AFG2A: variants seen among roughly 807,000 people sequenced by gnomAD.
AFG2A encodes the protein ATPase family gene 2 protein homolog A.
the AFG2A span, among the ~76,000 whole-genome samples, chr4:122,944,148 C>T: frequency 2.1e-3 from 317 of 152,204 alleles, no homozygotes; most frequent in African/African-American, 5.9e-3. Flanking sequence ...ATCTTTGTGG[C>T]GTTCTCTGTA....
At chr4:123,005,892 A>C in the AFG2A span, among the ~76,000 whole-genome samples, 1 of 152,198 alleles carries the variant, frequency 6.6e-6, no homozygotes, top group Admixed American at 6.5e-5. Flanking sequence ...ACATACTGTC[A>C]TCAGTTTTGC....
the AFG2A span, among the ~76,000 whole-genome samples, chr4:122,959,679 T>C: frequency 6.6e-6 from 1 of 152,196 alleles, no homozygotes; most frequent in Non-Finnish European, 1.5e-5. Context: ...AATCTAAAGG[T>C]TATTGTTTGT....
chr4:123,268,044 ATTTATG>A, the AFG2A span, among the ~76,000 whole-genome samples: 1 of 152,036 alleles, frequency 6.6e-6, no homozygotes, highest in Non-Finnish European at 1.5e-5. Flanking sequence ...TCAATATATA[ATTTATG>A]TTTATATTAA....
At chr4:123,121,248 TAAAAA>T in the AFG2A span, among the ~76,000 whole-genome samples, 1 of 71,550 alleles carries the variant, frequency 1.4e-5, no homozygotes, top group African/African-American at 3.1e-5. Context: ...AGTCAAAAAG[TAAAAA>T]AAAAAAATAA....
chr4:123,245,827 T>C, the AFG2A span, among the ~76,000 whole-genome samples: 1 of 152,226 alleles, frequency 6.6e-6, no homozygotes, highest in Non-Finnish European at 1.5e-5. Flanking sequence ...CAGAAATCTG[T>C]TTCAAATGAA....
the AFG2A span, among the ~76,000 whole-genome samples, chr4:123,149,590 T>C: frequency 6.6e-6 from 1 of 152,208 alleles, no homozygotes; most frequent in Non-Finnish European, 1.5e-5. Flanking sequence ...AAATGTTCTC[T>C]TTTCTTCATA....
the AFG2A span, chr4:123,255,972 A>G: frequency 6.2e-7 from 1 of 1,606,990 alleles, no homozygotes; most frequent in Non-Finnish European, 8.5e-7. Context: ...ATGGAATGTC[A>G]GTTCTGAGCC....
the AFG2A span, among the ~76,000 whole-genome samples, chr4:123,220,143 A>G: frequency 6.6e-6 from 1 of 152,120 alleles, no homozygotes; most frequent in African/African-American, 2.4e-5. Context: ...TGCTGGGATT[A>G]CAGGCGTGAG....
chr4:123,230,151 A>C, the AFG2A span, among the ~76,000 whole-genome samples: 1 of 151,968 alleles, frequency 6.6e-6, no homozygotes, highest in Non-Finnish European at 1.5e-5. Flanking sequence ...GAAGTTTGCC[A>C]CATCCATTGA....
the AFG2A span, among the ~76,000 whole-genome samples, chr4:123,009,889 A>G: frequency 1.3e-5 from 2 of 152,136 alleles, no homozygotes; most frequent in African/African-American, 4.8e-5. Context: ...TTAGGCCATT[A>G]TGGTGCTTAT....
the AFG2A span, among the ~76,000 whole-genome samples, chr4:122,999,871 G>A: frequency 6.6e-6 from 1 of 151,710 alleles, no homozygotes; most frequent in Admixed American, 6.6e-5. Context: ...TGATGGGGAT[G>A]GCATTGAATC....
At chr4:123,118,322 T>A in the AFG2A span, among the ~76,000 whole-genome samples, 1 of 93,744 alleles carries the variant, frequency 1.1e-5, no homozygotes, top group Non-Finnish European at 2.4e-5. Flanking sequence ...TAATATATAT[T>A]ATATATAATA....
the AFG2A span, among the ~76,000 whole-genome samples, chr4:123,240,138 T>C: frequency 3.6e-4 from 55 of 152,168 alleles, no homozygotes; most frequent in African/African-American, 1.3e-3. Flanking sequence ...CTATCCTAAA[T>C]ATATATGCAC....
chr4:122,958,449 G>A, the AFG2A span, among the ~76,000 whole-genome samples: 5 of 152,182 alleles, frequency 3.3e-5, no homozygotes, highest in Non-Finnish European at 5.9e-5. Context: ...ATCTCCAGAT[G>A]TATTTCTGGG....
the AFG2A span, among the ~76,000 whole-genome samples, chr4:123,291,281 T>A: frequency 6.6e-6 from 1 of 152,212 alleles, no homozygotes; most frequent in Non-Finnish European, 1.5e-5. Context: ...TCAGTATCTT[T>A]TAATTGGAGC....
At chr4:123,073,727 A>G in the AFG2A span, among the ~76,000 whole-genome samples, 2 of 152,210 alleles carry the variant, frequency 1.3e-5, no homozygotes, top group African/African-American at 4.8e-5. Flanking sequence ...TTGTCAGGTC[A>G]ACTAAAGAAA....
At chr4:123,105,909 G>A in the AFG2A span, among the ~76,000 whole-genome samples, 7 of 152,188 alleles carry the variant, frequency 4.6e-5, no homozygotes, top group Admixed American at 3.3e-4. Flanking sequence ...TTAGTATATC[G>A]TGTAAGTTTA....
the AFG2A span, chr4:122,934,457 T>A: frequency 6.2e-7 from 1 of 1,614,234 alleles, no homozygotes. Flanking sequence ...GTCACAGGTC[T>A]TAAATGTAAT....
the AFG2A span, among the ~76,000 whole-genome samples, chr4:122,960,612 C>T: frequency 1.3e-5 from 2 of 152,112 alleles, no homozygotes; most frequent in African/African-American, 4.8e-5. Flanking sequence ...AATTCTCAGG[C>T]CTTGATAAGG....
Sources: gnomAD v4.1 joint callset for allele counts (sites outside exome capture counted in the v4.1 genomes callset) on GRCh38, gnomAD v4.1.1 for gene constraint, MANE v1.5 for transcripts, NCBI Gene and HGNC (gene_info 2026-07-23, HGNC 2026-07-21) for gene names.